LHFPL7: variants seen among roughly 807,000 people sequenced by gnomAD.
LHFPL7 encodes the protein LHFPL tetraspan subfamily member 7, also known as LHFPL tetraspan subfamily member 7 protein.
At chr22:24,935,101 G>A in the LHFPL7 span, 2 of 532,608 alleles carry the variant, frequency 3.8e-6, no homozygotes, top group Non-Finnish European at 6.6e-6. Context: ...TGCCAGACAT[G>A]GTGCAAAGTG....
the LHFPL7 span, chr22:24,939,687 G>A: frequency 1.9e-5 from 12 of 626,740 alleles, no homozygotes; most frequent in South Asian, 2.0e-4. Context: ...TGAGCCTGGA[G>A]ATGCAAATGG....
the LHFPL7 span, among the ~76,000 whole-genome samples, chr22:24,940,201 C>T: frequency 6.7e-6 from 1 of 149,348 alleles, no homozygotes; most frequent in African/African-American, 2.4e-5. Context: ...GCTGGGATTA[C>T]AGGCGTGAGC....
chr22:24,945,539 T>A, the LHFPL7 span, among the ~76,000 whole-genome samples: 247 of 152,272 alleles, frequency 1.6e-3, 1 homozygote, highest in Non-Finnish European at 2.6e-3. Flanking sequence ...CCTCTAGGGC[T>A]TTTGACCTGG....
chr22:24,938,109 T>C, the LHFPL7 span: 23 of 1,490,604 alleles, frequency 1.5e-5, no homozygotes, highest in African/African-American at 5.8e-5. Flanking sequence ...TCCATAAATA[T>C]GTCTAGAGCA....
chr22:24,944,189 G>A, the LHFPL7 span, among the ~76,000 whole-genome samples: 4 of 152,084 alleles, frequency 2.6e-5, no homozygotes, highest in Non-Finnish European at 5.9e-5. Context: ...CAGCAGTGAG[G>A]AAAATAGAAA....
At chr22:24,942,072 T>A in the LHFPL7 span, among the ~76,000 whole-genome samples, 1 of 152,316 alleles carries the variant, frequency 6.6e-6, no homozygotes, top group Admixed American at 6.5e-5. Context: ...CTCCATTCAC[T>A]GCAAGCTCTG....
At chr22:24,935,578 C>G in the LHFPL7 span, 2 of 1,612,008 alleles carry the variant, frequency 1.2e-6, no homozygotes, top group East Asian at 4.5e-5. Flanking sequence ...ATCAGCAGAC[C>G]CACAATCATG....
the LHFPL7 span, among the ~76,000 whole-genome samples, chr22:24,941,983 A>AT: frequency 6.8e-6 from 1 of 146,116 alleles, no homozygotes; most frequent in Non-Finnish European, 1.5e-5. Context: ...AATGTATTTT[A>AT]TTTATTTATT....
the LHFPL7 span, among the ~76,000 whole-genome samples, chr22:24,942,186 G>A: frequency 1.3e-5 from 2 of 151,602 alleles, no homozygotes; most frequent in Non-Finnish European, 2.9e-5. Flanking sequence ...AGTAGAGACG[G>A]GGTTTCACCC....
the LHFPL7 span, among the ~76,000 whole-genome samples, chr22:24,940,479 C>T: frequency 6.6e-6 from 1 of 151,162 alleles, no homozygotes; most frequent in Non-Finnish European, 1.5e-5. Context: ...GCCTGTAGTC[C>T]CAGCTACTTG....
At chr22:24,943,883 G>A in the LHFPL7 span, among the ~76,000 whole-genome samples, 1 of 152,124 alleles carries the variant, frequency 6.6e-6, no homozygotes, top group Non-Finnish European at 1.5e-5. Context: ...CTAGGGACTT[G>A]ATATGTCAAG....
At chr22:24,936,918 C>A in the LHFPL7 span, among the ~76,000 whole-genome samples, 3 of 152,110 alleles carry the variant, frequency 2.0e-5, no homozygotes, top group African/African-American at 4.8e-5. Flanking sequence ...CCCCGCCCCC[C>A]CCGCCGCCCA....
At chr22:24,939,743 A>C in the LHFPL7 span, among the ~76,000 whole-genome samples, 1 of 152,174 alleles carries the variant, frequency 6.6e-6, no homozygotes, top group South Asian at 2.1e-4. Flanking sequence ...ACTTTGCCCT[A>C]GCAAATTCTA....
At chr22:24,935,323 C>T in the LHFPL7 span, 1 of 1,609,028 alleles carries the variant, frequency 6.2e-7, no homozygotes, top group Admixed American at 1.7e-5. Flanking sequence ...GTGCTACTCC[C>T]AGGAGATTTT....
chr22:24,942,062 C>A, the LHFPL7 span, among the ~76,000 whole-genome samples: 2 of 152,046 alleles, frequency 1.3e-5, no homozygotes, highest in Non-Finnish European at 2.9e-5. Context: ...GTGGCACGAT[C>A]TCCATTCACT....
At chr22:24,944,312 A>G in the LHFPL7 span, among the ~76,000 whole-genome samples, 2,303 of 152,182 alleles carry the variant, frequency 0.015, 64 homozygotes, top group African/African-American at 0.052. Context: ...AGAAAAATGA[A>G]GCGTTGGAGG....
At chr22:24,944,792 G>A in the LHFPL7 span, among the ~76,000 whole-genome samples, 1 of 151,578 alleles carries the variant, frequency 6.6e-6, no homozygotes, top group Non-Finnish European at 1.5e-5. Context: ...ATGTTGCCCA[G>A]ACTGGTCTTT....
chr22:24,942,232 G>C, the LHFPL7 span, among the ~76,000 whole-genome samples: 1 of 152,156 alleles, frequency 6.6e-6, no homozygotes, highest in African/African-American at 2.4e-5. Context: ...CTGACCTTGT[G>C]ATCCACCCGC....
chr22:24,943,895 C>T, the LHFPL7 span, among the ~76,000 whole-genome samples: 27 of 152,130 alleles, frequency 1.8e-4, no homozygotes, highest in African/African-American at 6.5e-4. Context: ...TATGTCAAGC[C>T]AAGTCTCTTT....
Sources: gnomAD v4.1 joint callset for allele counts (sites outside exome capture counted in the v4.1 genomes callset) on GRCh38, gnomAD v4.1.1 for gene constraint, MANE v1.5 for transcripts, NCBI Gene and HGNC (gene_info 2026-07-23, HGNC 2026-07-21) for gene names.